Variants in NBPF14 observed in about 807,000 individuals in gnomAD.
NBPF14 encodes NBPF member 14.
A neutral mutation model predicts 91.2 loss-of-function variants in NBPF14; 104 were observed. The observed-to-expected ratio is 1.14, with a 90% CI of 0.97 to 1.34. The LOEUF (loss-of-function observed/expected upper bound fraction) is 1.34, where lower values mean the gene tolerates loss of function less well. NBPF14 is among the 40% of genes most tolerant of loss of function. NBPF14 has a pLI of 0.00. For missense variants in NBPF14, 908 were observed against 783.0 expected (o/e 1.16, Z -1.91); for synonymous variants, 294 against 303.8 (o/e 0.97, Z 0.34).
exon 37 of NBPF14, chr1:148,559,805 C>A: frequency 1.3e-6 from 2 of 1,523,914 alleles, no homozygotes; most frequent in East Asian, 2.5e-5. Context: ...TCCATGTCAA[C>A]AGCCAAGCCA....
intron 70 of NBPF14, 48 bp from the exon 71 acceptor site, chr1:148,533,296 C>A (rs1469688600): frequency 2.9e-5 from 15 of 518,640 alleles, no homozygotes; most frequent in Admixed American, 4.0e-5. Flanking sequence ...AAATCAGACA[C>A]CACAGAGCCC....
At chr1:148,533,957 T>A (rs1413306027) in exon 70 of NBPF14, 3 of 717,546 alleles carry the variant, frequency 4.2e-6, no homozygotes, top group East Asian at 2.5e-5. Context: ...CCCCTTCCCC[T>A]TCTTTTCAAT....
In NBPF14 at chr1:148,587,357, C is replaced by T. The variant is rs1159595483; in HGVS notation, c.1035G>A (p.Glu345=). ...CAAGCTTCTCCTCCTTGAACTGTCG[C>T]TCATTCCTCAGCATAAATTTTATGA... is the stretch of plus-strand genomic sequence containing the variant. The change falls in exon 8 of 71, where the codon GAG becomes GAA. Residue 345 remains glutamate (E), a synonymous_variant. Coordinates refer to ENST00000619423, the Ensembl canonical transcript of NBPF14. 6 of 1,583,202 alleles carry T rather than the reference C, an allele frequency of 3.8e-6. 1 individual carries two copies. In the Middle Eastern group the frequency reaches 6.6e-4, roughly 175 times the overall value.
rs1405296416 is a variant in NBPF14 at position 148,566,447 on chromosome 1, A to T, written c.3543-132T>A. The T allele has an allele frequency of 5.0e-5, 30 of 600,560 alleles. 2 individuals are homozygous for T. The highest frequency in any genetic ancestry group is 7.6e-5 in the Non-Finnish European group (26 of 340,998). 37.2% of individuals were successfully genotyped at this position (600,560 alleles called of 1,614,324 possible). ...GATAGATCCATTAATGAGGTAACAA[A>T]TTGTTGCCTTCATGTTGGGACAGAA... On this transcript the variant is annotated intron_variant, in intron 28 of 70. Transcript: ENST00000619423.
exon 8 of NBPF14, chr1:148,587,367 A>T: frequency 6.3e-7 from 1 of 1,582,790 alleles, no homozygotes; most frequent in Non-Finnish European, 8.6e-7. Flanking sequence ...CTCATTCCTC[A>T]GCATAAATTT....
rs1391965379 is a variant in NBPF14 at position 148,559,514 on chromosome 1, G to A, written c.4729+279C>T. On this transcript the variant is annotated intron_variant, in intron 37 of 70. Transcript: ENST00000619423. ...TCTACAAAATTGAGACAAAATCAGA[G>A]TTGTGTGAATTTGTCACATCTGCCC... Among the ~76,000 whole-genome samples the A allele has an allele frequency of 5.6e-5, 7 of 124,378 alleles. 1 individual carries two copies. Among genetic ancestry groups the A allele is most frequent in the African/African-American group, 2.1e-4 (5 of 23,886 alleles). The allele number at this position is 124,378 out of a possible 152,430, so 81.6% of individuals were successfully genotyped here. A position where few individuals can be genotyped will look rare whatever the true frequency, so the allele number is the denominator to read the frequency against.
intron 70 of NBPF14, 138 bp downstream of exon 70, chr1:148,533,723 A>T: frequency 2.7e-6 from 2 of 731,094 alleles, no homozygotes; most frequent in East Asian, 4.9e-5. Context: ...ATCTACTGCA[A>T]TGAAAACCAA....
At chr1:148,532,415 G>A (rs1192814864) in exon 71 of NBPF14, 1 of 161,858 alleles carries the variant, frequency 6.2e-6, no homozygotes, top group Non-Finnish European at 1.4e-5. Flanking sequence ...CCATCTAGCT[G>A]TGGTCTTCCT....
At position 148,559,486 on chromosome 1, in the gene NBPF14, A is replaced by G. The variant is rs1190620410; in HGVS notation, c.4729+307T>C. Among the ~76,000 whole-genome samples the G allele has an allele frequency of 2.3e-5, 3 of 128,224 alleles. 1 individual carries two copies. The highest frequency in any genetic ancestry group is 1.5e-4 in the Admixed American group (2 of 13,114). 84.1% of individuals were successfully genotyped at this position (128,224 alleles called of 152,430 possible). ...ATTAGAGTGAAGGATGAAATCTACA[A>G]GATCTACAAAATTGAGACAAAATCA... On this transcript the variant is annotated intron_variant, in intron 37 of 70. Coordinates refer to ENST00000619423, the Ensembl canonical transcript of NBPF14.
At chr1:148,580,942 G>C (rs1191468303) in intron 12 of NBPF14, among the ~76,000 whole-genome samples, 1 of 98,154 alleles carries the variant, frequency 1.0e-5, no homozygotes, top group Non-Finnish European at 2.1e-5. Flanking sequence ...TGTCCACATT[G>C]GTGTGCTTCA....
At chr1:148,577,511 C>G (rs879230071) in intron 14 of NBPF14, among the ~76,000 whole-genome samples, 156 bp from the exon 15 acceptor site, 2 of 150,298 alleles carry the variant, frequency 1.3e-5, no homozygotes, top group East Asian at 2.0e-4. Flanking sequence ...TTGGGATAGA[C>G]TATGGCCAGG....
intron 6 of NBPF14, 130 bp from the exon 7 acceptor site, chr1:148,589,523 CTT>C (rs1662090464): frequency 1.5e-5 from 1 of 68,598 alleles, no homozygotes; most frequent in African/African-American, 1.1e-4. Context: ...TGGTTTCACT[CTT>C]GTCATCTCCA....
At chr1:148,534,705 C>A (rs1654713985) in exon 69 of NBPF14, 6 of 836,496 alleles carry the variant, frequency 7.2e-6, no homozygotes, top group Admixed American at 1.7e-5. Context: ...AGAGCCAAGC[C>A]AAGGTACTGT....
At chr1:148,535,232 C>A (rs1344109749) in intron 68 of NBPF14, among the ~76,000 whole-genome samples, 2 of 150,430 alleles carry the variant, frequency 1.3e-5, no homozygotes, top group Non-Finnish European at 2.9e-5. Flanking sequence ...AGTTGCCATA[C>A]AGCCTTTGAG....
intron 36 of NBPF14, among the ~76,000 whole-genome samples, chr1:148,560,253 A>C (rs1657578501): frequency 6.7e-6 from 1 of 148,396 alleles, no homozygotes; most frequent in African/African-American, 2.6e-5. Context: ...GTCAAAGGAC[A>C]CTCTGAGTTA....
At chr1:148,557,718 T>G (rs1656924031) in intron 39 of NBPF14, among the ~76,000 whole-genome samples, 176 bp from the exon 40 acceptor site, 1 of 130,096 alleles carries the variant, frequency 7.7e-6, no homozygotes, top group East Asian at 2.4e-4. Flanking sequence ...GCTTTGCATC[T>G]CAGAACCAAG....
rs1252618272 is a variant in NBPF14 at position 148,590,216 on chromosome 1, T to G, written c.778+541A>C. On this transcript the variant is annotated intron_variant, in intron 6 of 70. Transcript: ENST00000619423. Reference sequence around the variant, plus strand: ...AGGCGCCCACCACCACGCCCAGCTATTTTTTTTTTTTTTTGTATTTTTAGT... The same window carrying G: ...AGGCGCCCACCACCACGCCCAGCTAGTTTTTTTTTTTTTTGTATTTTTAGT... Among the ~76,000 whole-genome samples, 5 of 107,760 alleles carry G rather than the reference T, an allele frequency of 4.6e-5. 1 individual carries two copies. Among genetic ancestry groups the G allele is most frequent in the Non-Finnish European group, 1.0e-4 (5 of 49,948 alleles). 70.7% of individuals were successfully genotyped at this position (107,760 alleles called of 152,430 possible).
Position 148,557,654 on chromosome 1 carries a change from G to C in NBPF14, c.4955-112C>G, listed in dbSNP as rs1392972907. The C allele has an allele frequency of 3.6e-5, 22 of 608,554 alleles. 2 individuals are homozygous for C. Among genetic ancestry groups the C allele is most frequent in the Non-Finnish European group, 6.0e-5 (21 of 349,538 alleles). The allele number at this position is 608,554 out of a possible 1,614,324, so 37.7% of individuals were successfully genotyped here. A position where few individuals can be genotyped will look rare whatever the true frequency, so the allele number is the denominator to read the frequency against. Reference sequence around the variant, plus strand: ...CTCAGGCTCCTCAGCATGAGAACAGGACCATGTGAGAGATATACTTCAGGA... The same window carrying C: ...CTCAGGCTCCTCAGCATGAGAACAGCACCATGTGAGAGATATACTTCAGGA... On this transcript the variant is annotated intron_variant, in intron 39 of 70. Transcript: ENST00000619423.
chr1:148,568,687 T>A, intron 25 of NBPF14, among the ~76,000 whole-genome samples, 154 bp from the exon 26 acceptor site: 1 of 37,238 alleles, frequency 2.7e-5, no homozygotes. Context: ...TGAAGGCTGA[T>A]CACCATAGAG....
Sources: allele counts gnomAD v4.1 joint callset (sites outside exome capture counted in the v4.1 genomes callset), GRCh38; gene constraint gnomAD v4.1.1; transcripts MANE v1.5; gene names NCBI Gene and HGNC (gene_info 2026-07-23, HGNC 2026-07-21).